The following KLF12 variants were observed in gnomAD, a reference collection of about 807,000 sequenced individuals.
KLF12 encodes the protein Krueppel-like factor 12.
Under a neutral mutation model 37.8 loss-of-function variants are expected in KLF12, and 9 were observed. The ratio of observed to expected loss-of-function variants is 0.24; its 90% CI spans 0.14 to 0.42. The LOEUF (loss-of-function observed/expected upper bound fraction) is 0.42. Ranked by LOEUF, KLF12 falls within the 10% of genes least tolerant of loss-of-function variation. The probability of loss-of-function intolerance (pLI) is 1.00; values close to 1 mark genes in which losing one functional copy is unlikely to be tolerated. For synonymous variants in KLF12, 208 were observed against 202.1 expected, an observed-to-expected ratio of 1.03 and a Z score of -0.25; for missense variants, 411 against 516.0, an observed-to-expected ratio of 0.80 and a Z score of 1.97.
chr13:74,155,951 C>T, the KLF12 span, among the ~76,000 whole-genome samples: 1 of 152,186 alleles, frequency 6.6e-6, no homozygotes, highest in Non-Finnish European at 1.5e-5. Context: ...CTAGAATCTG[C>T]TACTGATACC....
At chr13:73,776,461 TG>T (rs1880614860) in intron 5 of KLF12, among the ~76,000 whole-genome samples, 1 of 152,208 alleles carries the variant, frequency 6.6e-6, no homozygotes, top group African/African-American at 2.4e-5. Context: ...AAGGTACTTG[TG>T]GAGATTGGCA....
rs144250927 is a variant in KLF12, at chr13:73,958,489, C to T, written c.34-14419G>A. Among the ~76,000 whole-genome samples the T allele has an allele frequency of 7.6e-3, 1,155 of 152,118 alleles. 21 individuals are homozygous for T. Among genetic ancestry groups the T allele is most frequent in the African/African-American group, 0.027 (1,109 of 41,474 alleles). ...AACTCCTGACATAAGGTGATCTGCCCGCCTCAGCCTCCCAAAGTGCTGGAA... is the reference window on the plus strand; with the variant it reads ...AACTCCTGACATAAGGTGATCTGCCTGCCTCAGCCTCCCAAAGTGCTGGAA... On this transcript the variant is annotated intron_variant, in intron 2 of 7. Transcript: ENST00000377669.
At chr13:74,277,803 C>T in the KLF12 span, among the ~76,000 whole-genome samples, 2 of 152,256 alleles carry the variant, frequency 1.3e-5, no homozygotes, top group South Asian at 4.1e-4. Context: ...CAAGGTCAGT[C>T]TTGCTGTCCA....
chr13:73,978,491 T>C (rs1483716516), intron 2 of KLF12, among the ~76,000 whole-genome samples: 1 of 152,188 alleles, frequency 6.6e-6, no homozygotes, highest in Non-Finnish European at 1.5e-5. Flanking sequence ...ACAAGGACTC[T>C]CACTCATTGC....
At chr13:74,255,478 G>A in the KLF12 span, among the ~76,000 whole-genome samples, 3 of 152,198 alleles carry the variant, frequency 2.0e-5, no homozygotes, top group African/African-American at 7.2e-5. Context: ...TCATTTAACA[G>A]CAGGCTACTA....
chr13:73,927,273 T>TC (rs1311477050), intron 3 of KLF12, among the ~76,000 whole-genome samples: 1 of 152,148 alleles, frequency 6.6e-6, no homozygotes. Flanking sequence ...CCTTGATCAC[T>TC]CCTCTCCTCC....
chr13:74,097,843 T>C (rs1226854815), intron 1 of KLF12, among the ~76,000 whole-genome samples: 7 of 150,240 alleles, frequency 4.7e-5, no homozygotes, highest in Admixed American at 1.3e-4. Flanking sequence ...CTCCACAAAC[T>C]GCTCCTCCAA....
intron 1 of KLF12, among the ~76,000 whole-genome samples, chr13:74,041,691 T>TACAC (rs59315484): frequency 0.084 from 11,977 of 142,184 alleles, 512 homozygotes; most frequent in East Asian, 0.2. Context: ...ATCGCTGATT[T>TACAC]ACACACACAC....
chr13:73,724,164 G>A (rs112642806), intron 6 of KLF12, among the ~76,000 whole-genome samples: 5,797 of 152,150 alleles, frequency 0.038, 375 homozygotes, highest in African/African-American at 0.13. Context: ...ATGATAGACT[G>A]GAAAAAGAAA....
intron 6 of KLF12, among the ~76,000 whole-genome samples, chr13:73,737,235 T>C (rs1312088562): frequency 6.6e-6 from 1 of 152,234 alleles, no homozygotes; most frequent in Non-Finnish European, 1.5e-5. Flanking sequence ...TTATATTTTA[T>C]ATCCTGCCCT....
At chr13:74,107,058 G>T (rs923960492) in intron 1 of KLF12, among the ~76,000 whole-genome samples, 1 of 152,222 alleles carries the variant, frequency 6.6e-6, no homozygotes, top group Non-Finnish European at 1.5e-5. Context: ...TGGGGTCTGA[G>T]GAAGGCCCAT....
intron 7 of KLF12, among the ~76,000 whole-genome samples, chr13:73,703,961 A>G (rs1466837571): frequency 6.6e-6 from 1 of 152,220 alleles, no homozygotes; most frequent in Non-Finnish European, 1.5e-5. Context: ...AATATCCCAT[A>G]ATAAAAGTGA....
chr13:74,166,491 T>C, the KLF12 span, among the ~76,000 whole-genome samples: 2 of 152,126 alleles, frequency 1.3e-5, no homozygotes, highest in African/African-American at 4.8e-5. Context: ...AGTAAAATCA[T>C]GTGTAAGACT....
chr13:73,805,650 GAGGAAGGAAGGAAGGAAGGA>G lies in KLF12; in HGVS notation c.806+7482_806+7501del, dbSNP rs1164051826. Reference sequence around the variant, plus strand: ...GGAGGGAGGGAGGGAGGGAGGGAGGGAGGAAGGAAGGAAGGAAGGAAGGAAGGAAGGAAGGAAGGAAGGAA... The same window carrying G: ...GGAGGGAGGGAGGGAGGGAGGGAGGGAGGAAGGAAGGAAGGAAGGAAGGAA... On this transcript the variant is annotated intron_variant, in intron 5 of 7. Coordinates refer to ENST00000377669, the MANE Select transcript of KLF12 (RefSeq NM_007249.5). 5.3e-3 allele frequency among the ~76,000 whole-genome samples: 196 copies of G among 37,044 alleles called. 3 individuals carry two copies. Among genetic ancestry groups the G allele is most frequent in the Middle Eastern group, 0.016 (1 of 62 alleles). 24.3% of individuals were successfully genotyped at this position (37,044 alleles called of 152,430 possible). A position where few individuals can be genotyped will look rare whatever the true frequency, so the allele number is the denominator to read the frequency against.
the KLF12 span, among the ~76,000 whole-genome samples, chr13:74,209,847 A>T: frequency 6.6e-6 from 1 of 152,214 alleles, no homozygotes; most frequent in Non-Finnish European, 1.5e-5. Flanking sequence ...GATTTTACAC[A>T]ACTAATACTA....
chr13:74,271,891 G>A, the KLF12 span, among the ~76,000 whole-genome samples: 1 of 152,200 alleles, frequency 6.6e-6, no homozygotes, highest in Non-Finnish European at 1.5e-5. Flanking sequence ...CTAGGAAGAA[G>A]GGTGAAGGGC....
intron 5 of KLF12, among the ~76,000 whole-genome samples, chr13:73,782,451 CTTGAAATATTCTTCAT>C (rs1349341454): frequency 6.6e-6 from 1 of 152,200 alleles, no homozygotes; most frequent in Non-Finnish European, 1.5e-5. Context: ...ACGATGAAGA[CTTGAAATATTCTTCAT>C]TTGAAATAAA....
At chr13:73,904,250 C>T (rs769178125) in intron 3 of KLF12, among the ~76,000 whole-genome samples, 1 of 152,116 alleles carries the variant, frequency 6.6e-6, no homozygotes, top group African/African-American at 2.4e-5. Flanking sequence ...ATCCACTACC[C>T]GACACGTCCT....
intron 1 of KLF12, among the ~76,000 whole-genome samples, chr13:74,102,213 A>C (rs1876390155): frequency 6.8e-6 from 1 of 148,060 alleles, no homozygotes; most frequent in Non-Finnish European, 1.5e-5. Flanking sequence ...GCAAGACTCC[A>C]TCTCAAAAAA....
Sources: allele counts gnomAD v4.1 joint callset (sites outside exome capture counted in the v4.1 genomes callset), GRCh38; gene constraint gnomAD v4.1.1; transcripts MANE v1.5; gene names NCBI Gene and HGNC (gene_info 2026-07-23, HGNC 2026-07-21).